The following KAZN variants were observed in gnomAD, a reference collection of about 807,000 sequenced individuals.
KAZN encodes the protein kazrin, periplakin interacting protein.
Under a neutral mutation model 87.4 loss-of-function variants are expected in KAZN, and 40 were observed. That is an observed-to-expected ratio of 0.46 (90% CI 0.36 to 0.60). The LOEUF is 0.60. Ranked by LOEUF, KAZN falls within the 20% of genes least tolerant of loss-of-function variation. The pLI is 0.00. For synonymous variants in KAZN, 466 were observed against 458.3 expected (o/e 1.02, Z -0.22); for missense variants, 898 against 1,073.9 (o/e 0.84, Z 2.29).
chr1:14,817,222 T>C (rs956638918), intron 1 of KAZN, among the ~76,000 whole-genome samples: 2 of 152,178 alleles, frequency 1.3e-5, no homozygotes, highest in African/African-American at 4.8e-5. Flanking sequence ...GTGCAGCATA[T>C]ATCTTGGCGA....
chr1:14,228,922 G>T (rs1456081493), intron 2 of KAZN, among the ~76,000 whole-genome samples: 2 of 152,168 alleles, frequency 1.3e-5, no homozygotes, highest in Non-Finnish European at 2.9e-5. Flanking sequence ...TCTCTGGTCT[G>T]CATTCCCAGA....
rs76089444 is a variant in KAZN, at chr1:13,926,801, A to G, written c.91+33045A>G. Among the ~76,000 whole-genome samples the G allele has an allele frequency of 3.2e-3, 484 of 152,302 alleles. 2 individuals are homozygous for G. Among genetic ancestry groups the G allele is most frequent in the Non-Finnish European group, 5.4e-3 (369 of 68,024 alleles). ...TTGATACTGGGGTGACAGTTAAAAT[A>G]GCATCCTCCATATTTGCTATTTTTC... On this transcript the variant is annotated intron_variant, in intron 1 of 16. Transcript: ENST00000636203.
At position 14,324,758 on chromosome 1, in the gene KAZN, A is replaced by G. The variant is rs566154760; in HGVS notation, c.249+144166A>G. ...CTTCATGTTTTAAAAGATTTTTACC[A>G]GCAAAACCACATTTATTATGTAATA... On this transcript the variant is annotated intron_variant, in intron 2 of 16. Transcript: ENST00000636203. Among the ~76,000 whole-genome samples the G allele has an allele frequency of 2.3e-4, 35 of 152,344 alleles. No homozygotes were observed. The South Asian group carries it at 7.2e-3, about 32-fold the overall frequency.
chr1:14,514,194 A>G (rs12039468), intron 2 of KAZN, among the ~76,000 whole-genome samples: 37,000 of 140,408 alleles, frequency 0.26, 5,561 homozygotes, highest in African/African-American at 0.39. Flanking sequence ...GTGTGGTGGC[A>G]GGCGCCTATG....
chr1:14,214,086 A>G (rs1160817336), intron 2 of KAZN, among the ~76,000 whole-genome samples: 1 of 152,326 alleles, frequency 6.6e-6, no homozygotes, highest in South Asian at 2.1e-4. Flanking sequence ...GGAATAGGAA[A>G]ATGGATATGC....
At chr1:15,025,659 G>A (rs1453279441) in intron 2 of KAZN, among the ~76,000 whole-genome samples, 1 of 152,228 alleles carries the variant, frequency 6.6e-6, no homozygotes, top group East Asian at 1.9e-4. Context: ...GAAGGGTCAT[G>A]CTGACTAACT....
chr1:14,168,999 G>A (rs1158513885), intron 1 of KAZN, among the ~76,000 whole-genome samples: 1 of 152,158 alleles, frequency 6.6e-6, no homozygotes. Context: ...ATTAACCTAA[G>A]TAAATAGCAG....
chr1:14,262,758 T>G (rs1171011242), intron 2 of KAZN, among the ~76,000 whole-genome samples: 1 of 152,208 alleles, frequency 6.6e-6, no homozygotes, highest in Non-Finnish European at 1.5e-5. Context: ...AGCTATCTCC[T>G]GTAAGGCAGT....
chr1:15,093,378 T>C (rs1394618006), intron 8 of KAZN, among the ~76,000 whole-genome samples: 1 of 151,602 alleles, frequency 6.6e-6, no homozygotes, highest in Non-Finnish European at 1.5e-5. Flanking sequence ...TTTTAGGAGG[T>C]GTATTTGTCA....
chr1:14,509,133 A>G (rs1442643834), intron 2 of KAZN, among the ~76,000 whole-genome samples: 1 of 152,248 alleles, frequency 6.6e-6, no homozygotes, highest in Non-Finnish European at 1.5e-5. Context: ...ACAGTGTACC[A>G]CCAAGGTATT....
At chr1:13,905,745 A>C (rs570518687) in intron 1 of KAZN, among the ~76,000 whole-genome samples, 1 of 152,234 alleles carries the variant, frequency 6.6e-6, no homozygotes, top group Non-Finnish European at 1.5e-5. Context: ...AGTGTGTGCT[A>C]TCACTCTGGT....
intron 1 of KAZN, among the ~76,000 whole-genome samples, chr1:14,885,344 G>C (rs983974290): frequency 6.6e-6 from 1 of 152,002 alleles, no homozygotes; most frequent in African/African-American, 2.4e-5. Flanking sequence ...CAGCTGCCAA[G>C]CCTGCTGAGA....
chr1:15,082,948 A>G (rs1028757859), intron 8 of KAZN, among the ~76,000 whole-genome samples: 4 of 151,978 alleles, frequency 2.6e-5, no homozygotes, highest in Non-Finnish European at 5.9e-5. Flanking sequence ...TGCATTTTTA[A>G]CCACCTCCCT....
chr1:14,117,825 C>T (rs1238168080), intron 1 of KAZN, among the ~76,000 whole-genome samples: 1 of 152,178 alleles, frequency 6.6e-6, no homozygotes, highest in Non-Finnish European at 1.5e-5. Context: ...TCACTGACCA[C>T]TGCCTGGCTC....
chr1:14,352,637 T>C (rs1658643975), intron 2 of KAZN, among the ~76,000 whole-genome samples: 1 of 152,180 alleles, frequency 6.6e-6, no homozygotes, highest in Non-Finnish European at 1.5e-5. Context: ...CAACAACCTA[T>C]TTTTACATTC....
At chr1:14,378,064 T>C (rs771076314) in intron 2 of KAZN, among the ~76,000 whole-genome samples, 1 of 152,214 alleles carries the variant, frequency 6.6e-6, no homozygotes, top group Non-Finnish European at 1.5e-5. Flanking sequence ...TGTTTATTAA[T>C]TTAACAAATG....
chr1:14,849,197 G>A (rs1222693408), intron 1 of KAZN, among the ~76,000 whole-genome samples: 1 of 152,154 alleles, frequency 6.6e-6, no homozygotes, highest in East Asian at 1.9e-4. Context: ...CACAGTGTCT[G>A]GTGCACACTG....
At chr1:14,039,687 A>G (rs1641715527) in intron 1 of KAZN, among the ~76,000 whole-genome samples, 1 of 152,186 alleles carries the variant, frequency 6.6e-6, no homozygotes, top group South Asian at 2.1e-4. Context: ...GTTAACTTCC[A>G]TGCATGCTGT....
chr1:14,244,430 G>A (rs1649301021), intron 2 of KAZN, among the ~76,000 whole-genome samples: 1 of 152,240 alleles, frequency 6.6e-6, no homozygotes, highest in Middle Eastern at 3.4e-3. Flanking sequence ...TTCTTCATTG[G>A]TTCATTTGTT....
Sources: allele counts gnomAD v4.1 joint callset (sites outside exome capture counted in the v4.1 genomes callset), GRCh38; gene constraint gnomAD v4.1.1; transcripts MANE v1.5; gene names NCBI Gene and HGNC (gene_info 2026-07-23, HGNC 2026-07-21).